The following RPS6KC1 variants were observed in gnomAD, a reference collection of about 807,000 sequenced individuals.
RPS6KC1 encodes the protein inactive ribosomal protein S6 kinase delta-1.
In RPS6KC1, 54 loss-of-function variants were observed where a neutral mutation model predicts 103.8. The ratio of observed to expected loss-of-function variants is 0.52; its 90% CI spans 0.42 to 0.65. The LOEUF is 0.65. RPS6KC1 is among the 30% of genes least tolerant of loss of function. The pLI is 0.00. For missense variants in RPS6KC1, 1,151 were observed against 1,253.8 expected, an observed-to-expected ratio of 0.92 and a Z score of 1.24; for synonymous variants, 439 against 438.7, an observed-to-expected ratio of 1.00 and a Z score of -0.01.
At chr1:213,446,992 A>G in the RPS6KC1 span, among the ~76,000 whole-genome samples, 3 of 152,366 alleles carry the variant, frequency 2.0e-5, no homozygotes, top group African/African-American at 4.8e-5. Flanking sequence ...ATATATATCA[A>G]GAAATGAATG....
At chr1:213,329,206 T>C in the RPS6KC1 span, among the ~76,000 whole-genome samples, 1 of 152,196 alleles carries the variant, frequency 6.6e-6, no homozygotes, top group East Asian at 1.9e-4. Context: ...TTGGAACGAC[T>C]CCTTTCTTCC....
At chr1:213,145,767 G>T (rs1314173560) in intron 6 of RPS6KC1, among the ~76,000 whole-genome samples, 1 of 151,736 alleles carries the variant, frequency 6.6e-6, no homozygotes, top group African/African-American at 2.4e-5. Flanking sequence ...TATTTATGGG[G>T]TGCATGAGAT....
chr1:213,831,728 T>C, the RPS6KC1 span, among the ~76,000 whole-genome samples: 6 of 152,188 alleles, frequency 3.9e-5, no homozygotes, highest in Non-Finnish European at 8.8e-5. Context: ...ATCTCTAAGA[T>C]TGAAATCATA....
chr1:213,732,180 C>T, the RPS6KC1 span, among the ~76,000 whole-genome samples: 1 of 152,048 alleles, frequency 6.6e-6, no homozygotes, highest in African/African-American at 2.4e-5. Context: ...TTTCTTTTCT[C>T]AAATCTAGGT....
chr1:213,774,016 G>A, the RPS6KC1 span, among the ~76,000 whole-genome samples: 1 of 152,174 alleles, frequency 6.6e-6, no homozygotes, highest in African/African-American at 2.4e-5. Context: ...TGCTGTCAGG[G>A]TATGTGTGGT....
At chr1:213,323,208 C>A in the RPS6KC1 span, among the ~76,000 whole-genome samples, 1 of 152,104 alleles carries the variant, frequency 6.6e-6, no homozygotes, top group Admixed American at 6.6e-5. Context: ...ACTAGACCCA[C>A]CCCATAATCT....
the RPS6KC1 span, among the ~76,000 whole-genome samples, chr1:213,602,056 CTCTT>C: frequency 0.017 from 954 of 56,106 alleles, 128 homozygotes; most frequent in African/African-American, 0.05. Flanking sequence ...TTCTTTCTTT[CTCTT>C]TCTTTCTTTC....
At chr1:213,096,600 G>T (rs943299554) in intron 3 of RPS6KC1, among the ~76,000 whole-genome samples, 1 of 152,032 alleles carries the variant, frequency 6.6e-6, no homozygotes, top group Non-Finnish European at 1.5e-5. Flanking sequence ...GGGAGGCGGA[G>T]GTTGCAGTGA....
the RPS6KC1 span, among the ~76,000 whole-genome samples, chr1:213,375,807 C>G: frequency 6.6e-6 from 1 of 152,190 alleles, no homozygotes; most frequent in Non-Finnish European, 1.5e-5. Context: ...ACTGTTTCTT[C>G]CTTTCTGCAT....
At chr1:213,685,392 AG>A in the RPS6KC1 span, among the ~76,000 whole-genome samples, 1 of 152,190 alleles carries the variant, frequency 6.6e-6, no homozygotes, top group Non-Finnish European at 1.5e-5. Context: ...GCACTTTGGG[AG>A]GCTGAGGCGA....
At chr1:213,238,965 G>A (rs764551263) in intron 10 of RPS6KC1, among the ~76,000 whole-genome samples, 1 of 152,110 alleles carries the variant, frequency 6.6e-6, no homozygotes, top group Non-Finnish European at 1.5e-5. Flanking sequence ...CCACAATATA[G>A]GTATTTGTGG....
chr1:213,183,057 C>T (rs1465592493), intron 8 of RPS6KC1, among the ~76,000 whole-genome samples: 1 of 151,066 alleles, frequency 6.6e-6, no homozygotes, highest in Non-Finnish European at 1.5e-5. Flanking sequence ...TGCTTCATAC[C>T]AAAGAAAATT....
At chr1:213,718,813 A>G in the RPS6KC1 span, among the ~76,000 whole-genome samples, 4 of 152,362 alleles carry the variant, frequency 2.6e-5, no homozygotes, top group East Asian at 7.7e-4. Context: ...GAGCTGGTTA[A>G]CAACGCAGAT....
chr1:213,256,085 C>CA (rs1322999915), intron 12 of RPS6KC1, among the ~76,000 whole-genome samples: 1 of 152,216 alleles, frequency 6.6e-6, no homozygotes, highest in Admixed American at 6.5e-5. Flanking sequence ...TTATCCTTCT[C>CA]TACTACTCCA....
At chr1:213,494,655 G>A in the RPS6KC1 span, among the ~76,000 whole-genome samples, 1 of 152,106 alleles carries the variant, frequency 6.6e-6, no homozygotes, top group Non-Finnish European at 1.5e-5. Context: ...GAAAATGATC[G>A]AAGTGGATAA....
chr1:213,745,519 C>A, the RPS6KC1 span, among the ~76,000 whole-genome samples: 1 of 151,814 alleles, frequency 6.6e-6, no homozygotes, highest in African/African-American at 2.4e-5. Flanking sequence ...ATGATGTGAA[C>A]GCAGTGGATT....
chr1:213,384,842 A>G, the RPS6KC1 span, among the ~76,000 whole-genome samples: 2 of 152,274 alleles, frequency 1.3e-5, no homozygotes, highest in Non-Finnish European at 2.9e-5. Flanking sequence ...TCCCCATTTC[A>G]TAGGTGAGGA....
intron 8 of RPS6KC1, among the ~76,000 whole-genome samples, chr1:213,202,504 T>A (rs1329451096): frequency 6.6e-6 from 1 of 152,024 alleles, no homozygotes; most frequent in Admixed American, 6.5e-5. Context: ...TCCCAGCTAC[T>A]TGGGAGTCTG....
the RPS6KC1 span, among the ~76,000 whole-genome samples, chr1:213,394,554 T>C: frequency 1.3e-5 from 2 of 152,120 alleles, no homozygotes; most frequent in Admixed American, 1.3e-4. Context: ...CTCTACGCCT[T>C]ATAGAGTGCA....
Sources: gnomAD v4.1 joint callset for allele counts (sites outside exome capture counted in the v4.1 genomes callset) on GRCh38, gnomAD v4.1.1 for gene constraint, MANE v1.5 for transcripts, NCBI Gene and HGNC (gene_info 2026-07-23, HGNC 2026-07-21) for gene names.